XKR6: variants seen among roughly 807,000 people sequenced by gnomAD.
The protein encoded by XKR6 is XK-related protein 6.
A neutral mutation model predicts 56.7 loss-of-function variants in XKR6; 22 were observed. That is an observed-to-expected ratio of 0.39 (90% confidence interval 0.28 to 0.55). The LOEUF (loss-of-function observed/expected upper bound fraction) is 0.55. XKR6 is among the 20% of genes least tolerant of loss of function. The pLI is 0.66. For missense variants in XKR6, 852 were observed against 889.0 expected, an observed-to-expected ratio of 0.96 and a Z score of 0.53; for synonymous variants, 524 against 387.8, an observed-to-expected ratio of 1.35 and a Z score of -4.13.
chr8:10,983,647 C>G (rs1035234526), intron 1 of XKR6, among the ~76,000 whole-genome samples: 2 of 149,012 alleles, frequency 1.3e-5, no homozygotes, highest in Non-Finnish European at 2.9e-5. Context: ...GAAAAGCTTA[C>G]ATATTCTTTT....
chr8:11,201,813 C>G lies in XKR6; in HGVS notation c.-474G>C, dbSNP rs888479648. ...CAGCGTCGCAGCTCACAGCTTTCCT[C>G]CTGGAGAAACGCCCCCTAACACCCT... is the stretch of plus-strand genomic sequence containing the variant. On this transcript the variant is annotated 5_prime_UTR_variant, in exon 1 of 3. Transcript: ENST00000416569. 6.6e-6 allele frequency among the ~76,000 whole-genome samples: 1 copy of G among 152,172 alleles called. No homozygotes were observed. The highest frequency in any genetic ancestry group is 1.5e-5 in the Non-Finnish European group (1 of 68,026).
At chr8:10,972,268 G>A (rs1053681766) in intron 1 of XKR6, among the ~76,000 whole-genome samples, 13 of 152,296 alleles carry the variant, frequency 8.5e-5, no homozygotes, top group African/African-American at 1.9e-4. Context: ...CATGAAATTC[G>A]GGGTTTGATG....
At chr8:11,085,190 T>G (rs1797845762) in intron 1 of XKR6, among the ~76,000 whole-genome samples, 1 of 152,170 alleles carries the variant, frequency 6.6e-6, no homozygotes. Context: ...TCTGTGGGCA[T>G]CACACAGACT....
At chr8:10,974,594 T>C (rs937042677) in intron 1 of XKR6, among the ~76,000 whole-genome samples, 22 of 152,210 alleles carry the variant, frequency 1.4e-4, no homozygotes, top group African/African-American at 5.3e-4. Context: ...CCCAGCTTGG[T>C]GAGGAAGAGG....
At chr8:11,121,763 T>C (rs563847485) in intron 1 of XKR6, among the ~76,000 whole-genome samples, 6 of 152,318 alleles carry the variant, frequency 3.9e-5, no homozygotes, top group Admixed American at 6.5e-5. Flanking sequence ...CTATTCACTA[T>C]AGCAAAGACT....
chr8:11,195,336 T>TC (rs1177557203), intron 1 of XKR6: 7 of 594,238 alleles, frequency 1.2e-5, no homozygotes, highest in Non-Finnish European at 2.1e-5. Flanking sequence ...CATTTTTTTT[T>TC]CCAAATGGAT....
intron 2 of XKR6, among the ~76,000 whole-genome samples, chr8:10,899,640 T>C (rs1055780511): frequency 1.3e-5 from 2 of 152,216 alleles, no homozygotes; most frequent in African/African-American, 4.8e-5. Context: ...TCTTAAGCCT[T>C]GACTTTTGAA....
intron 2 of XKR6, among the ~76,000 whole-genome samples, chr8:10,913,841 C>T (rs1407567044): frequency 1.3e-5 from 2 of 152,114 alleles, no homozygotes; most frequent in Non-Finnish European, 1.5e-5. Flanking sequence ...GTGAGGGTGA[C>T]GGGTGTGGAA....
chr8:10,908,431 A>G (rs770445171), intron 2 of XKR6, among the ~76,000 whole-genome samples: 2 of 151,864 alleles, frequency 1.3e-5, no homozygotes, highest in Non-Finnish European at 2.9e-5. Context: ...TCCCCCTCCC[A>G]GGAATCTCTG....
intron 1 of XKR6, among the ~76,000 whole-genome samples, chr8:11,099,594 A>G (rs1798390023): frequency 6.6e-6 from 1 of 152,144 alleles, no homozygotes; most frequent in Non-Finnish European, 1.5e-5. Context: ...CATTCTTTAA[A>G]ATCTCCAAGT....
chr8:11,036,915 G>T lies in XKR6; in HGVS notation c.765-112085C>A, dbSNP rs558481200. On this transcript the variant is annotated intron_variant, in intron 1 of 2. Transcript: ENST00000416569. Reference sequence around the variant, plus strand: ...GCCCCATCCTAGGCAGTGCACACTGGCTTGAGCTAGAACCGCTCTGGCGAG... The same window carrying T: ...GCCCCATCCTAGGCAGTGCACACTGTCTTGAGCTAGAACCGCTCTGGCGAG... 2.0e-5 allele frequency among the ~76,000 whole-genome samples: 3 copies of T among 152,326 alleles called. No individual in the cohort carries two copies. In the East Asian group the frequency reaches 5.8e-4, roughly 29 times the overall value.
chr8:11,056,823 C>A (rs1799696863), intron 1 of XKR6, among the ~76,000 whole-genome samples: 1 of 152,232 alleles, frequency 6.6e-6, no homozygotes. Context: ...CTCCTCCCGT[C>A]TGCTCAGGCT....
chr8:11,020,084 C>T (rs1586439235), intron 1 of XKR6, among the ~76,000 whole-genome samples: 1 of 152,130 alleles, frequency 6.6e-6, no homozygotes, highest in East Asian at 1.9e-4. Flanking sequence ...TCCCCACCCA[C>T]CCAAGGCCCA....
At chr8:10,899,251 C>T (rs1378500589) in intron 2 of XKR6, among the ~76,000 whole-genome samples, 6 of 152,230 alleles carry the variant, frequency 3.9e-5, no homozygotes, top group Admixed American at 2.0e-4. Flanking sequence ...AGGAATCATG[C>T]GATTCTTGTG....
At chr8:11,020,324 G>C (rs865875171) in intron 1 of XKR6, among the ~76,000 whole-genome samples, 23 of 152,288 alleles carry the variant, frequency 1.5e-4, no homozygotes, top group Admixed American at 7.8e-4. Context: ...CTGTCACTCA[G>C]CCATCCCTCC....
intron 1 of XKR6, among the ~76,000 whole-genome samples, chr8:11,160,941 AG>A (rs1024526913): frequency 2.0e-5 from 3 of 151,540 alleles, no homozygotes; most frequent in African/African-American, 7.3e-5. Flanking sequence ...AGAAAAAAAA[AG>A]GGTTCACACA....
chr8:11,036,295 T>C (rs1799141675), intron 1 of XKR6, among the ~76,000 whole-genome samples: 1 of 152,170 alleles, frequency 6.6e-6, no homozygotes, highest in Admixed American at 6.5e-5. Context: ...TCCAAGCTTG[T>C]AGGATTCTAG....
chr8:10,928,486 G>A (rs1221895085), intron 1 of XKR6, among the ~76,000 whole-genome samples: 1 of 152,222 alleles, frequency 6.6e-6, no homozygotes, highest in Non-Finnish European at 1.5e-5. Flanking sequence ...GCTCTCCCTC[G>A]GGATCTCAGT....
intron 1 of XKR6, among the ~76,000 whole-genome samples, chr8:10,973,233 T>C (rs6601541): frequency 0.45 from 67,942 of 152,060 alleles, 17,424 homozygotes; most frequent in African/African-American, 0.71. Flanking sequence ...CCATCACTAA[T>C]GGGTCATATA....
Sources: allele counts gnomAD v4.1 joint callset (sites outside exome capture counted in the v4.1 genomes callset), GRCh38; gene constraint gnomAD v4.1.1; transcripts MANE v1.5; gene names NCBI Gene and HGNC (gene_info 2026-07-23, HGNC 2026-07-21).